The following GPC5 variants were observed in gnomAD, a reference collection of about 807,000 sequenced individuals.
GPC5 encodes the protein glypican 5.
A neutral mutation model predicts 53.9 loss-of-function variants in GPC5; 47 were observed. That is an observed-to-expected ratio of 0.87 (90% CI 0.69 to 1.11). GPC5 has a LOEUF of 1.11. Among genes scored for constraint, GPC5 ranks in the 50% most tolerant of loss-of-function variants. The pLI is 0.00. For synonymous variants in GPC5, 286 were observed against 263.3 expected (o/e 1.09, Z -0.84); for missense variants, 748 against 713.1 (o/e 1.05, Z -0.56).
chr13:92,569,916 A>G (rs1373753561), intron 7 of GPC5, among the ~76,000 whole-genome samples: 1 of 152,036 alleles, frequency 6.6e-6, no homozygotes, highest in Admixed American at 6.6e-5. Flanking sequence ...CTTTCCTATA[A>G]TCTCTTTATG....
chr13:91,763,373 T>C (rs2037455301), intron 5 of GPC5, among the ~76,000 whole-genome samples: 1 of 152,072 alleles, frequency 6.6e-6, no homozygotes, highest in South Asian at 2.1e-4. Flanking sequence ...ATCTGAAATG[T>C]TTTGGGTTAG....
chr13:91,830,873 A>G (rs2038646668), intron 5 of GPC5, among the ~76,000 whole-genome samples: 1 of 135,992 alleles, frequency 7.4e-6, no homozygotes, highest in Admixed American at 8.1e-5. Context: ...TATATAATAT[A>G]TATCCTATTA....
chr13:92,068,697 A>T (rs1416784596), intron 6 of GPC5, among the ~76,000 whole-genome samples: 2 of 151,424 alleles, frequency 1.3e-5, no homozygotes, highest in African/African-American at 2.4e-5. Flanking sequence ...TTGAGATAAG[A>T]TTTTCTTTCA....
intron 2 of GPC5, among the ~76,000 whole-genome samples, chr13:91,627,866 T>C (rs978110833): frequency 6.6e-6 from 1 of 152,136 alleles, no homozygotes; most frequent in African/African-American, 2.4e-5. Flanking sequence ...TCAATATCAA[T>C]GTATTACATA....
chr13:91,448,248 G>A (rs1233806400), intron 1 of GPC5, among the ~76,000 whole-genome samples: 2 of 152,220 alleles, frequency 1.3e-5, no homozygotes, highest in Admixed American at 6.5e-5. Context: ...CTCCCAGCAT[G>A]TCATTATTGC....
At chr13:91,746,435 T>C (rs1216216410) in intron 4 of GPC5, among the ~76,000 whole-genome samples, 1 of 152,198 alleles carries the variant, frequency 6.6e-6, no homozygotes, top group East Asian at 1.9e-4. Flanking sequence ...CCTTCTTGGA[T>C]ACTTTTCTAG....
rs191720050 is a variant in GPC5 at position 92,431,315 on chromosome 13, G to T, written c.1561+286326G>T. Among the ~76,000 whole-genome samples the T allele has an allele frequency of 5.3e-5, 8 of 149,856 alleles. No homozygotes were observed. The East Asian group carries it at 1.4e-3, about 26-fold the overall frequency. ...ACAATAAAAGATAATTTAAGGTAAT[G>T]ATTACTACAATTAAGAAAGTAACAC... On this transcript the variant is annotated intron_variant, in intron 7 of 7. Coordinates refer to ENST00000377067, the MANE Select transcript of GPC5 (RefSeq NM_004466.6).
chr13:92,701,742 T>A (rs1277848658), intron 7 of GPC5, among the ~76,000 whole-genome samples: 1 of 152,158 alleles, frequency 6.6e-6, no homozygotes, highest in Non-Finnish European at 1.5e-5. Context: ...CATATTCCTT[T>A]ATCTCATAAT....
intron 7 of GPC5, among the ~76,000 whole-genome samples, chr13:92,832,378 A>C (rs911160469): frequency 2.0e-5 from 3 of 152,230 alleles, no homozygotes; most frequent in Non-Finnish European, 4.4e-5. Flanking sequence ...CAAATTCTAC[A>C]AACTCAGTGG....
intron 7 of GPC5, among the ~76,000 whole-genome samples, chr13:92,736,132 G>A (rs1888928350): frequency 6.6e-6 from 1 of 151,898 alleles, no homozygotes; most frequent in East Asian, 1.9e-4. Context: ...TCTGATTTAT[G>A]AACAAATTGT....
chr13:91,962,224 C>T (rs2040132859), intron 6 of GPC5, among the ~76,000 whole-genome samples: 2 of 152,078 alleles, frequency 1.3e-5, no homozygotes, highest in Admixed American at 1.3e-4. Flanking sequence ...TCCTGGGTGG[C>T]ATGGCAGTGT....
At chr13:91,761,276 T>C (rs1431868089) in intron 5 of GPC5, among the ~76,000 whole-genome samples, 1 of 152,174 alleles carries the variant, frequency 6.6e-6, no homozygotes, top group Non-Finnish European at 1.5e-5. Flanking sequence ...AAGTACCTTT[T>C]TGAAGAAAAC....
chr13:92,204,514 A>G (rs571765238), intron 7 of GPC5, among the ~76,000 whole-genome samples: 2 of 152,302 alleles, frequency 1.3e-5, no homozygotes, highest in East Asian at 1.9e-4. Flanking sequence ...TCAGGGTCCA[A>G]TTACAAAATT....
chr13:92,763,125 C>A (rs1368021217), intron 7 of GPC5, among the ~76,000 whole-genome samples: 1 of 152,068 alleles, frequency 6.6e-6, no homozygotes, highest in African/African-American at 2.4e-5. Flanking sequence ...TCTTTTGGGT[C>A]AATTACTGGA....
At chr13:92,640,659 T>C (rs1885565770) in intron 7 of GPC5, among the ~76,000 whole-genome samples, 1 of 152,128 alleles carries the variant, frequency 6.6e-6, no homozygotes, top group Non-Finnish European at 1.5e-5. Flanking sequence ...ATGATGAATC[T>C]GGAACACCTT....
intron 7 of GPC5, among the ~76,000 whole-genome samples, chr13:92,183,666 T>A (rs1238957299): frequency 1.3e-5 from 2 of 152,258 alleles, no homozygotes; most frequent in East Asian, 3.9e-4. Context: ...AGTTAAGGAA[T>A]CATACCATAT....
chr13:91,878,749 A>T (rs907247226), intron 5 of GPC5, among the ~76,000 whole-genome samples: 1 of 152,120 alleles, frequency 6.6e-6, no homozygotes, highest in Non-Finnish European at 1.5e-5. Flanking sequence ...CCATGATTGT[A>T]AGTTTCCTGA....
At chr13:91,664,446 C>T (rs1316494475) in intron 2 of GPC5, among the ~76,000 whole-genome samples, 1 of 152,200 alleles carries the variant, frequency 6.6e-6, no homozygotes, top group African/African-American at 2.4e-5. Flanking sequence ...CACATCACCT[C>T]CATGACTGTC....
chr13:92,828,016 A>C (rs947005539), intron 7 of GPC5, among the ~76,000 whole-genome samples: 3 of 152,032 alleles, frequency 2.0e-5, no homozygotes, highest in African/African-American at 7.2e-5. Context: ...CATTACACAC[A>C]CCTCCAACCA....
Sources: allele counts gnomAD v4.1 joint callset (sites outside exome capture counted in the v4.1 genomes callset), GRCh38; gene constraint gnomAD v4.1.1; transcripts MANE v1.5; gene names NCBI Gene and HGNC (gene_info 2026-07-23, HGNC 2026-07-21).